The following FGF13 variants were observed in gnomAD, a reference collection of about 807,000 sequenced individuals.
The protein encoded by FGF13 is fibroblast growth factor homologous factor 2.
In FGF13, 2 loss-of-function variants were observed where a neutral mutation model predicts 19.5. The ratio of observed to expected loss-of-function variants is 0.10; its 90% CI spans 0.04 to 0.32. FGF13 has a LOEUF of 0.32. FGF13 is among the 10% of genes least tolerant of loss of function. The pLI, the probability that FGF13 is intolerant of heterozygous loss-of-function variation, is 1.00. For synonymous variants in FGF13, 72 were observed against 76.9 expected (o/e 0.94, Z 0.33); for missense variants, 113 against 192.7 (o/e 0.59, Z 2.45).
At chrX:138,770,151 A>G (rs2090534200) in intron 3 of FGF13, among the ~76,000 whole-genome samples, 1 of 111,906 alleles carries the variant, frequency 8.9e-6, no homozygotes, top group African/African-American at 3.2e-5. Flanking sequence ...TCACTTGTTC[A>G]TTCATTCATT....
At chrX:138,842,731 A>T (rs764812765) in intron 3 of FGF13, among the ~76,000 whole-genome samples, 2 of 110,980 alleles carry the variant, frequency 1.8e-5, no homozygotes, top group South Asian at 7.8e-4. Context: ...ACTGGCATCT[A>T]GTGGGTAGAG....
At position 138,624,454 on chromosome X, in the gene FGF13, C is replaced by A. The variant is rs2089040157; in HGVS notation, c.*8396G>T. On this transcript the variant is annotated 3_prime_UTR_variant, in exon 5 of 5. Coordinates refer to ENST00000315930, the MANE Select transcript of FGF13 (RefSeq NM_004114.5). Reference sequence around the variant, plus strand: ...TCGATTAAAAACTTAAACATAAGACCTAAAATTGTAAAATTACTAGAATAA... The same window carrying A: ...TCGATTAAAAACTTAAACATAAGACATAAAATTGTAAAATTACTAGAATAA... 8.9e-6 allele frequency: 1 copy of A among 112,175 alleles called. No individual in the cohort carries two copies. Among genetic ancestry groups the A allele is most frequent in the Non-Finnish European group, 1.9e-5 (1 of 53,253 alleles). The allele number at this position is 112,175 out of a possible 1,213,427, so 9.2% of individuals were successfully genotyped here. A position where few individuals can be genotyped will look rare whatever the true frequency, so the allele number is the denominator to read the frequency against.
At position 138,629,122 on chromosome X, in the gene FGF13, GGCCAA is replaced by G. The variant is rs1264886453; in HGVS notation, c.*3723_*3727del. Reference sequence around the variant, plus strand: ...AGGTATCAGATTCAGGAGATTCCCAGGCCAAGCTTAAAACAAAAGAAGCATATAAA... The same window carrying G: ...AGGTATCAGATTCAGGAGATTCCCAGGCTTAAAACAAAAGAAGCATATAAA... On this transcript the variant is annotated 3_prime_UTR_variant, in exon 5 of 5. Transcript: ENST00000315930. The G allele has an allele frequency of 9.0e-6, 1 of 111,371 alleles. No homozygotes were observed. The highest frequency in any genetic ancestry group is 1.9e-5 in the Non-Finnish European group (1 of 53,114). 9.2% of individuals were successfully genotyped at this position (111,371 alleles called of 1,213,427 possible).
intron 1 of FGF13, among the ~76,000 whole-genome samples, chrX:139,024,575 G>A (rs2092193336): frequency 9.0e-6 from 1 of 111,494 alleles, no homozygotes; most frequent in Admixed American, 9.5e-5. Flanking sequence ...AGATTGTATT[G>A]CTGCCCTTGT....
intron 3 of FGF13, among the ~76,000 whole-genome samples, chrX:138,755,751 A>G (rs992987600): frequency 8.9e-5 from 10 of 112,300 alleles, no homozygotes; most frequent in African/African-American, 3.2e-4. Flanking sequence ...CATTATTGTA[A>G]TGATGGGGAG....
intron 3 of FGF13, among the ~76,000 whole-genome samples, chrX:138,665,918 T>G (rs1465291721): frequency 1.8e-5 from 2 of 111,224 alleles, no homozygotes; most frequent in Admixed American, 1.9e-4. Flanking sequence ...TGCCATCAAC[T>G]AAATTAGGGC....
At chrX:139,064,666 T>A (rs2092349214) in intron 1 of FGF13, among the ~76,000 whole-genome samples, 1 of 111,376 alleles carries the variant, frequency 9.0e-6, no homozygotes, top group South Asian at 3.8e-4. Context: ...GTTGCTCTTC[T>A]CAAGGAATAT....
chrX:139,011,736 G>T lies in FGF13; in HGVS notation c.-112-147086C>A, dbSNP rs143562493. ...ACAAACTCACAGCCAACATTATACC[G>T]AACGGGCAAAAGTTGAAAGCATTTT... is the stretch of plus-strand genomic sequence containing the variant. On this transcript the variant is annotated intron_variant, in intron 1 of 2. Coordinates refer to the FGF13 transcript ENST00000421460. Among the ~76,000 whole-genome samples, 1,073 of 111,444 alleles carry T rather than the reference G, an allele frequency of 9.6e-3. 12 individuals carry two copies. The highest frequency in any genetic ancestry group is 0.033 in the African/African-American group (1,013 of 30,681).
At chrX:138,867,727 A>G in intron 1 of FGF13, among the ~76,000 whole-genome samples, 2 of 111,399 alleles carry the variant, frequency 1.8e-5, no homozygotes, top group Middle Eastern at 9.3e-3. Flanking sequence ...TATGGGAACT[A>G]TAATTCAAGA....
chrX:138,899,096 A>G (rs2091518471), intron 1 of FGF13, among the ~76,000 whole-genome samples: 1 of 111,677 alleles, frequency 9.0e-6, no homozygotes, highest in Non-Finnish European at 1.9e-5. Flanking sequence ...ATGTTTTCTC[A>G]GGTTCTCTAG....
intron 1 of FGF13, among the ~76,000 whole-genome samples, chrX:138,922,831 T>C (rs953505097): frequency 1.5e-4 from 17 of 112,154 alleles, no homozygotes; most frequent in African/African-American, 5.5e-4. Flanking sequence ...CTTTGTAAGA[T>C]GCCCCGCTTC....
intron 1 of FGF13, among the ~76,000 whole-genome samples, chrX:138,987,441 G>T (rs1219147751): frequency 8.9e-6 from 1 of 111,852 alleles, no homozygotes; most frequent in Non-Finnish European, 1.9e-5. Flanking sequence ...AGTAGCTCCA[G>T]ATGTGCAGTT....
At chrX:139,150,548 C>A (rs951538283) in intron 1 of FGF13, among the ~76,000 whole-genome samples, 13 of 111,558 alleles carry the variant, frequency 1.2e-4, no homozygotes, top group African/African-American at 4.2e-4. Context: ...AATAGTGAAT[C>A]TTCTTTTTCC....
chrX:138,644,389 T>C (rs367711095), intron 3 of FGF13, among the ~76,000 whole-genome samples: 1 of 111,180 alleles, frequency 9.0e-6, no homozygotes, highest in African/African-American at 3.3e-5. Context: ...GGGATTCTCC[T>C]GCCTCAGCCT....
chrX:139,159,785 G>A (rs2084013584), intron 1 of FGF13, among the ~76,000 whole-genome samples: 1 of 110,705 alleles, frequency 9.0e-6, no homozygotes, highest in Non-Finnish European at 1.9e-5. Flanking sequence ...AACAAGAAGA[G>A]CTAACTATCC....
rs1304540168 is a variant in FGF13 at position 139,163,397 on chromosome X, TG to T, written c.-113+40018del. Among the ~76,000 whole-genome samples the T allele has an allele frequency of 2.8e-5, 3 of 108,793 alleles. No individual in the cohort carries two copies. In the Admixed American group the frequency reaches 3.0e-4, roughly 11 times the overall value. The allele number at this position is 108,793 out of a possible 115,157, so 94.5% of individuals were successfully genotyped here. A position where few individuals can be genotyped will look rare whatever the true frequency, so the allele number is the denominator to read the frequency against. On this transcript the variant is annotated intron_variant, in intron 1 of 2. Transcript: ENST00000421460. ...TCACACACTGGGGCCTGTCAGGGGGTGGGGGCCTAGGGGAGGGATAGCATTA... is the reference window on the plus strand; with the variant it reads ...TCACACACTGGGGCCTGTCAGGGGGTGGGGCCTAGGGGAGGGATAGCATTA...
At chrX:138,896,294 C>T (rs905533249) in intron 1 of FGF13, among the ~76,000 whole-genome samples, 6 of 110,963 alleles carry the variant, frequency 5.4e-5, no homozygotes, top group Non-Finnish European at 1.1e-4. Flanking sequence ...TAAATATGTA[C>T]CAATACTACT....
intron 1 of FGF13, among the ~76,000 whole-genome samples, chrX:139,144,921 CCAA>C (rs1281974795): frequency 2.7e-5 from 3 of 111,170 alleles, no homozygotes; most frequent in Non-Finnish European, 5.7e-5. Flanking sequence ...CAATAATAAA[CCAA>C]CAACATGTTC....
At chrX:138,925,981 A>C (rs2091671674) in intron 1 of FGF13, among the ~76,000 whole-genome samples, 1 of 111,844 alleles carries the variant, frequency 8.9e-6, no homozygotes, top group Non-Finnish European at 1.9e-5. Flanking sequence ...GCCTTTGCAT[A>C]AAGAGCTCTG....
Sources: gnomAD v4.1 joint callset for allele counts (sites outside exome capture counted in the v4.1 genomes callset) on GRCh38, gnomAD v4.1.1 for gene constraint, MANE v1.5 for transcripts, NCBI Gene and HGNC (gene_info 2026-07-23, HGNC 2026-07-21) for gene names.